SDCCAG8: variants seen among roughly 807,000 people sequenced by gnomAD.
SDCCAG8 encodes the protein SHH signaling and ciliogenesis regulator SDCCAG8.
A neutral mutation model predicts 101.8 loss-of-function variants in SDCCAG8; 74 were observed. That is an observed-to-expected ratio of 0.73 (90% CI 0.60 to 0.88). SDCCAG8 has a LOEUF of 0.88. Ranked by LOEUF, SDCCAG8 falls within the 40% of genes least tolerant of loss-of-function variation. The probability of loss-of-function intolerance (pLI) is 0.00; values close to 1 mark genes in which losing one functional copy is unlikely to be tolerated. For missense variants in SDCCAG8, 787 were observed against 822.6 expected, an observed-to-expected ratio of 0.96 and a Z score of 0.53; for synonymous variants, 281 against 292.9, an observed-to-expected ratio of 0.96 and a Z score of 0.41.
intron 17 of SDCCAG8, 129 bp from the exon 18 acceptor site, chr1:243,499,626 AT>A: frequency 1.3e-6 from 1 of 765,908 alleles, no homozygotes; most frequent in Non-Finnish European, 2.3e-6. Flanking sequence ...TAATTTCCAC[AT>A]TTTTAGCAAC....
chr1:243,499,843 T>C lies in SDCCAG8; in HGVS notation c.*58T>C. ...CAAAGAGATATTTACATTCATCTGG[T>C]TTAGACTTAATATGCCACAACGCAC... is the stretch of plus-strand genomic sequence containing the variant. On this transcript the variant is annotated 3_prime_UTR_variant, in exon 18 of 18. Transcript: ENST00000366541. 2 of 1,547,102 alleles carry C rather than the reference T, an allele frequency of 1.3e-6. No homozygotes were observed. The highest frequency in any genetic ancestry group is 2.2e-5 in the South Asian group (2 of 89,262).
chr1:243,421,466 G>A (rs1241904335), intron 15 of SDCCAG8, among the ~76,000 whole-genome samples: 1 of 152,180 alleles, frequency 6.6e-6, no homozygotes, highest in African/African-American at 2.4e-5. Context: ...TGTTGTATGT[G>A]TTTTCTCCCC....
chr1:243,342,381 G>C (rs1398338674), intron 11 of SDCCAG8, among the ~76,000 whole-genome samples: 1 of 152,176 alleles, frequency 6.6e-6, no homozygotes, highest in Non-Finnish European at 1.5e-5. Context: ...ACATAGTTCT[G>C]GTTCAATTTA....
At chr1:243,274,949 G>C (rs1192865821) in intron 4 of SDCCAG8, among the ~76,000 whole-genome samples, 1 of 152,116 alleles carries the variant, frequency 6.6e-6, no homozygotes, top group Non-Finnish European at 1.5e-5. Context: ...GCTTGCTGTA[G>C]CCCAGCAAAT....
intron 5 of SDCCAG8, among the ~76,000 whole-genome samples, chr1:243,290,538 C>T (rs1013010039): frequency 6.6e-6 from 1 of 152,114 alleles, no homozygotes; most frequent in African/African-American, 2.4e-5. Flanking sequence ...AGTGCAGACT[C>T]ATTCCATGGT....
At chr1:243,455,491 TCTC>T (rs2083675737) in intron 16 of SDCCAG8, among the ~76,000 whole-genome samples, 1 of 152,124 alleles carries the variant, frequency 6.6e-6, no homozygotes, top group Non-Finnish European at 1.5e-5. Flanking sequence ...CTGGTCTCGA[TCTC>T]CTCACCCCAA....
At chr1:243,444,426 C>T (rs754504869) in intron 16 of SDCCAG8, among the ~76,000 whole-genome samples, 25 of 150,888 alleles carry the variant, frequency 1.7e-4, no homozygotes, top group Non-Finnish European at 2.8e-4. Context: ...GGCTGGAGTG[C>T]GGTGGTGTGA....
intron 12 of SDCCAG8, among the ~76,000 whole-genome samples, chr1:243,358,677 A>T (rs2076528039): frequency 6.6e-6 from 1 of 152,230 alleles, no homozygotes; most frequent in South Asian, 2.1e-4. Context: ...CATTATTCAT[A>T]GTAGCCCCAA....
At chr1:243,372,080 C>T (rs181085116) in intron 12 of SDCCAG8, among the ~76,000 whole-genome samples, 74 of 152,072 alleles carry the variant, frequency 4.9e-4, no homozygotes, top group South Asian at 3.9e-3. Flanking sequence ...TTACACACAC[C>T]GAACTTTATA....
chr1:243,349,664 C>T (rs979381026), intron 12 of SDCCAG8, among the ~76,000 whole-genome samples: 2 of 152,046 alleles, frequency 1.3e-5, no homozygotes, highest in African/African-American at 2.4e-5. Flanking sequence ...CATTACTCAG[C>T]GAGTGTATCA....
chr1:243,403,423 A>C (rs1200418588), intron 13 of SDCCAG8, among the ~76,000 whole-genome samples: 6 of 152,230 alleles, frequency 3.9e-5, no homozygotes, highest in Non-Finnish European at 8.8e-5. Flanking sequence ...TAACAATAGT[A>C]ATAATACGTA....
intron 13 of SDCCAG8, among the ~76,000 whole-genome samples, chr1:243,400,566 A>T (rs922944744): frequency 2.0e-5 from 3 of 152,132 alleles, no homozygotes; most frequent in African/African-American, 7.2e-5. Context: ...CTTTGACCAG[A>T]CTTCAAGAGT....
At chr1:243,366,710 C>G (rs1168935573) in intron 12 of SDCCAG8, among the ~76,000 whole-genome samples, 1 of 151,952 alleles carries the variant, frequency 6.6e-6, no homozygotes, top group Non-Finnish European at 1.5e-5. Flanking sequence ...TGTCATTGGA[C>G]TTGCACTTGT....
chr1:243,499,008 A>G (rs2148327524), intron 17 of SDCCAG8, among the ~76,000 whole-genome samples: 1 of 152,350 alleles, frequency 6.6e-6, no homozygotes, highest in South Asian at 2.1e-4. Flanking sequence ...TAGAAACTCC[A>G]GACATGCTTT....
intron 10 of SDCCAG8, chr1:243,338,840 C>T (rs2075196051): frequency 6.6e-6 from 1 of 152,440 alleles, no homozygotes; most frequent in Non-Finnish European, 1.5e-5. Context: ...ATGTCAACGT[C>T]CTGGACATCC....
chr1:243,482,109 T>C (rs995293196), intron 16 of SDCCAG8, among the ~76,000 whole-genome samples: 2 of 152,242 alleles, frequency 1.3e-5, no homozygotes, highest in Non-Finnish European at 2.9e-5. Flanking sequence ...GCTTTCACAG[T>C]ATTCATAGCA....
At chr1:243,362,933 G>A (rs779343617) in intron 12 of SDCCAG8, among the ~76,000 whole-genome samples, 1 of 152,200 alleles carries the variant, frequency 6.6e-6, no homozygotes, top group African/African-American at 2.4e-5. Context: ...GGTGAATATA[G>A]ACATTTGCAT....
intron 13 of SDCCAG8, among the ~76,000 whole-genome samples, chr1:243,384,794 A>G (rs1381803510): frequency 6.6e-6 from 1 of 151,962 alleles, no homozygotes; most frequent in Non-Finnish European, 1.5e-5. Context: ...AAAAAAAATG[A>G]CAGTATTTGA....
In SDCCAG8 at chr1:243,488,772, GT is replaced by G. The variant is rs1374219184; in HGVS notation, c.1986-241del. On this transcript the variant is annotated intron_variant, in intron 16 of 17. Coordinates refer to ENST00000366541, the MANE Select transcript of SDCCAG8 (RefSeq NM_006642.5). Reference sequence around the variant, plus strand: ...CCTTCTACTTACCCCACTTATCTGCGTGTTTTCTAATTGATAGTGTACTGAG... The same window carrying G: ...CCTTCTACTTACCCCACTTATCTGCGGTTTTCTAATTGATAGTGTACTGAG... Among the ~76,000 whole-genome samples, 12 of 152,162 alleles carry G rather than the reference GT, an allele frequency of 7.9e-5. No individual in the cohort carries two copies. The East Asian group carries it at 2.3e-3, about 29-fold the overall frequency.
Sources: gnomAD v4.1 joint callset for allele counts (sites outside exome capture counted in the v4.1 genomes callset) on GRCh38, gnomAD v4.1.1 for gene constraint, MANE v1.5 for transcripts, NCBI Gene and HGNC (gene_info 2026-07-23, HGNC 2026-07-21) for gene names.